Variants in CD24 observed in about 807,000 individuals in gnomAD.
The protein encoded by CD24 is signal transducer CD24.
Under a neutral mutation model 3.6 loss-of-function variants are expected in CD24, and 2 were observed. The observed-to-expected ratio is 0.56, with a 90% CI of 0.23 to 1.77. The LOEUF is 1.77. Among genes scored for constraint, CD24 ranks in the 40% most tolerant of loss-of-function variants. CD24 has a pLI of 0.18. For missense variants in CD24, 62 were observed against 93.6 expected, an observed-to-expected ratio of 0.66 and a Z score of 1.39; for synonymous variants, 33 against 44.9, an observed-to-expected ratio of 0.74 and a Z score of 1.06.
Position 106,974,558 on chromosome 6 carries a change from G to T in CD24, c.69+20C>A. The stretch of plus-strand genomic sequence containing the variant: ...ACCCCGGGAACGGCCCTCGAGCCCC[G>T]CCGGGCGCCAGGGCCTCACCTGCGT... On this transcript the variant is annotated intron_variant, in intron 1 of 1. Coordinates refer to ENST00000606017, the MANE Select transcript of CD24 (RefSeq NM_001359084.1). 1 of 1,407,982 alleles carries T rather than the reference G, an allele frequency of 7.1e-7. No individual in the cohort carries two copies. Among genetic ancestry groups the T allele is most frequent in the Non-Finnish European group, 9.3e-7 (1 of 1,079,890 alleles). 87.2% of individuals were successfully genotyped at this position (1,407,982 alleles called of 1,614,324 possible). A position where few individuals can be genotyped will look rare whatever the true frequency, so the allele number is the denominator to read the frequency against.
At chr6:106,975,761 G>A (rs1466517887), upstream of CD24, 2 of 152,284 alleles carry the variant, frequency 1.3e-5, no homozygotes, top group Non-Finnish European at 1.5e-5. Context: ...TTCTACTCGG[G>A]GGCAGGAACC....
chr6:106,974,693 T>G lies in CD24; in HGVS notation c.-47A>C. ...CGCGTCTAGCAGGATGCTGGGTGCT[T>G]GGAGAACCGCTGGCTCCGGGCGGGC... On this transcript the variant is annotated 5_prime_UTR_variant, in exon 1 of 2. Transcript: ENST00000606017. The G allele has an allele frequency of 6.7e-7, 1 of 1,482,312 alleles. No individual in the cohort carries two copies. The highest frequency in any genetic ancestry group is 1.5e-5 in the African/African-American group (1 of 68,568). The allele number at this position is 1,482,312 out of a possible 1,614,324, so 91.8% of individuals were successfully genotyped here.
chr6:106,972,345 GC>G (rs1772993882), intron 1 of CD24, among the ~76,000 whole-genome samples: 1 of 152,170 alleles, frequency 6.6e-6, no homozygotes, highest in Non-Finnish European at 1.5e-5. Context: ...TGGTAACTTA[GC>G]CTTTTCCTTA....
intron 1 of CD24, among the ~76,000 whole-genome samples, chr6:106,972,688 A>G (rs1340326221): frequency 6.6e-6 from 1 of 152,078 alleles, no homozygotes; most frequent in Non-Finnish European, 1.5e-5. Context: ...GCACGTGATA[A>G]TCTCTCCTTT....
upstream of CD24, among the ~76,000 whole-genome samples, chr6:106,975,987 A>G (rs1773103194): frequency 1.3e-5 from 2 of 152,228 alleles, no homozygotes; most frequent in Admixed American, 1.3e-4. Context: ...CTTTTTTCCT[A>G]TCCATCTTAT....
intron 1 of CD24, chr6:106,973,691 T>C (rs1464396351): frequency 5.0e-6 from 2 of 398,598 alleles, no homozygotes; most frequent in Non-Finnish European, 8.8e-6. Flanking sequence ...CCGCCCCCGC[T>C]AGGGTCTCCC....
chr6:106,971,932 GCT>G (rs1350133643), intron 1 of CD24, 98 bp from the exon 2 acceptor site: 16 of 798,462 alleles, frequency 2.0e-5, no homozygotes, highest in African/African-American at 1.6e-4. Flanking sequence ...TTCTTAGATT[GCT>G]CTCTTACCAT....
intron 1 of CD24, among the ~76,000 whole-genome samples, chr6:106,972,147 A>G (rs1772987899): frequency 6.6e-6 from 1 of 151,992 alleles, no homozygotes; most frequent in Non-Finnish European, 1.5e-5. Flanking sequence ...TTCAGTTTCC[A>G]AGATTATATT....
At position 106,969,953 on chromosome 6, in the gene CD24, C is replaced by T. The variant is rs1490663958; in HGVS notation, c.*1708G>A. 6.6e-6 allele frequency: 1 copy of T among 150,930 alleles called. No individual in the cohort carries two copies. Among genetic ancestry groups the T allele is most frequent in the Admixed American group, 6.6e-5 (1 of 15,064 alleles). The allele number at this position is 150,930 out of a possible 1,614,324, so 9.3% of individuals were successfully genotyped here. ...CAATATACAATCCAAAATAGATGTA[C>T]AGCATTCTGGAATAAAGCAAGAGTG... On this transcript the variant is annotated 3_prime_UTR_variant, in exon 2 of 2. Coordinates refer to ENST00000606017, the MANE Select transcript of CD24 (RefSeq NM_001359084.1).
chr6:106,975,057 G>GCACACACGCGAGC (rs1435384963), upstream of CD24: 2 of 151,886 alleles, frequency 1.3e-5, no homozygotes, highest in East Asian at 1.9e-4. Context: ...AGGACCCGGG[G>GCACACACGCGAGC]CACACACGCG....
At chr6:106,973,930 G>A (rs1265399164) in intron 1 of CD24, 1 of 398,442 alleles carries the variant, frequency 2.5e-6, no homozygotes, top group Non-Finnish European at 4.4e-6. Context: ...ATAACATGGG[G>A]ATCCTAAGAT....
Position 106,973,552 on chromosome 6 carries a change from C to A in CD24, c.69+1026G>T. ...TTTCGATGTCTGGGGACGGAGGACG[C>A]AGCGCGCCCAACTTTGGGGGAGAAG... On this transcript the variant is annotated intron_variant, in intron 1 of 1. Transcript: ENST00000606017. 3 of 397,938 alleles carry A rather than the reference C, an allele frequency of 7.5e-6. No individual in the cohort carries two copies. In the East Asian group the frequency reaches 1.1e-4, roughly 14 times the overall value. 24.7% of individuals were successfully genotyped at this position (397,938 alleles called of 1,614,324 possible). A position where few individuals can be genotyped will look rare whatever the true frequency, so the allele number is the denominator to read the frequency against.
intron 1 of CD24, chr6:106,973,974 A>G: frequency 5.0e-6 from 2 of 398,182 alleles, no homozygotes; most frequent in Non-Finnish European, 8.9e-6. Flanking sequence ...TGCCTCGCAG[A>G]GAGCGCAGCG....
At chr6:106,973,410 A>C in intron 1 of CD24, 1 of 364,216 alleles carries the variant, frequency 2.7e-6, no homozygotes, top group Non-Finnish European at 4.9e-6. Context: ...CCATCAAAGA[A>C]TTGAGGAAGG....
At chr6:106,974,074 T>A (rs1041992143) in intron 1 of CD24, 1 of 396,746 alleles carries the variant, frequency 2.5e-6, no homozygotes, top group South Asian at 1.4e-4. Context: ...GGATACCCAA[T>A]CCAACTCCGA....
upstream of CD24, among the ~76,000 whole-genome samples, chr6:106,976,172 A>C (rs1338712162): frequency 6.6e-6 from 1 of 152,230 alleles, no homozygotes; most frequent in Non-Finnish European, 1.5e-5. Flanking sequence ...AATTTGTTTA[A>C]ATTTCAGTTT....
intron 1 of CD24, among the ~76,000 whole-genome samples, chr6:106,973,207 A>T (rs1773015408): frequency 6.6e-6 from 1 of 152,038 alleles, no homozygotes; most frequent in Non-Finnish European, 1.5e-5. Context: ...CAATCTGAGG[A>T]TCTAAAGATC....
Position 106,970,265 on chromosome 6 carries a change from AC to A in CD24, c.*1395del, listed in dbSNP as rs1236542615. 4 of 152,766 alleles carry A rather than the reference AC, an allele frequency of 2.6e-5. No homozygotes were observed. In the East Asian group the frequency reaches 5.8e-4, roughly 22 times the overall value. The allele number at this position is 152,766 out of a possible 1,614,324, so 9.5% of individuals were successfully genotyped here. On this transcript the variant is annotated 3_prime_UTR_variant, in exon 2 of 2. Coordinates refer to ENST00000606017, the MANE Select transcript of CD24 (RefSeq NM_001359084.1). ...AACTATCTAAAAATATTGACTGATA[AC>A]AAAAAGTGTTCTAAATGTGGCTATT... is the stretch of plus-strand genomic sequence containing the variant.
Position 106,969,966 on chromosome 6 carries a change from T to C in CD24, c.*1695A>G, listed in dbSNP as rs1285380168. The stretch of plus-strand genomic sequence containing the variant: ...AAAATAGATGTACAGCATTCTGGAA[T>C]AAAGCAAGAGTGTTCATTCACACAC... On this transcript the variant is annotated 3_prime_UTR_variant, in exon 2 of 2. Coordinates refer to ENST00000606017, the MANE Select transcript of CD24 (RefSeq NM_001359084.1). 7 of 148,962 alleles carry C rather than the reference T, an allele frequency of 4.7e-5. No homozygotes were observed. The highest frequency in any genetic ancestry group is 9.0e-5 in the Non-Finnish European group (6 of 66,390). 9.2% of individuals were successfully genotyped at this position (148,962 alleles called of 1,614,324 possible).
Sources: allele counts gnomAD v4.1 joint callset (sites outside exome capture counted in the v4.1 genomes callset), GRCh38; gene constraint gnomAD v4.1.1; transcripts MANE v1.5; gene names NCBI Gene and HGNC (gene_info 2026-07-23, HGNC 2026-07-21).